The following AKT3 variants were observed in gnomAD, a reference collection of about 807,000 sequenced individuals.
AKT3 encodes AKT serine/threonine kinase 3.
AKT3 carries 15 observed loss-of-function variants against 65.3 expected under a neutral mutation model. That is an observed-to-expected ratio of 0.23 (90% CI 0.15 to 0.35). The LOEUF (loss-of-function observed/expected upper bound fraction) is 0.35, where lower values mean the gene tolerates loss of function less well. Ranked by LOEUF, AKT3 falls within the 10% of genes least tolerant of loss-of-function variation. The pLI, the probability that AKT3 is intolerant of heterozygous loss-of-function variation, is 1.00. For synonymous variants in AKT3, 206 were observed against 183.8 expected (o/e 1.12, Z -0.98); for missense variants, 243 against 576.5 (o/e 0.42, Z 5.92).
At chr1:243,578,073 T>C (rs1675073981) in intron 8 of AKT3, among the ~76,000 whole-genome samples, 1 of 152,164 alleles carries the variant, frequency 6.6e-6, no homozygotes, top group Admixed American at 6.5e-5. Flanking sequence ...GGAACACTTT[T>C]ACAATGCTGG....
At chr1:243,496,049 T>G (rs151029791), downstream of AKT3, among the ~76,000 whole-genome samples, 1,105 of 152,324 alleles carry the variant, frequency 7.3e-3, 13 homozygotes, top group African/African-American at 0.025. Flanking sequence ...GTGCCTCATA[T>G]TACCCAGAGC....
chr1:243,735,121 A>T (rs1361408080), intron 2 of AKT3: 1 of 152,192 alleles, frequency 6.6e-6, no homozygotes, highest in Non-Finnish European at 1.5e-5. Context: ...GTTAACCTTT[A>T]AAAAAGAAAA....
At position 243,522,995 on chromosome 1, in the gene AKT3, T is replaced by C. The variant is rs527939414; in HGVS notation, c.1252-10569A>G. The stretch of plus-strand genomic sequence containing the variant: ...GACCCAGTGATAGGGAACATTTGGG[T>C]TGGGGGATGAACTTGTGGTGAGAAG... On this transcript the variant is annotated intron_variant, in intron 12 of 13. Coordinates refer to ENST00000673466, the MANE Select transcript of AKT3 (RefSeq NM_005465.7). 2.5e-3 allele frequency among the ~76,000 whole-genome samples: 374 copies of C among 151,760 alleles called. 2 individuals carry two copies. The highest frequency in any genetic ancestry group is 8.9e-3 in the African/African-American group (366 of 41,354).
At chr1:243,732,916 C>G (rs777961434) in intron 2 of AKT3, among the ~76,000 whole-genome samples, 7 of 152,346 alleles carry the variant, frequency 4.6e-5, no homozygotes, top group African/African-American at 1.7e-4. Context: ...CAACAACAAT[C>G]ATCTGCATAA....
chr1:243,644,587 A>C (rs952290426), intron 5 of AKT3, among the ~76,000 whole-genome samples: 1 of 152,228 alleles, frequency 6.6e-6, no homozygotes, highest in Non-Finnish European at 1.5e-5. Context: ...AATATTAGCT[A>C]TTAAAGTTAG....
At chr1:243,544,438 C>T (rs537018741) in intron 12 of AKT3, among the ~76,000 whole-genome samples, 214 of 151,888 alleles carry the variant, frequency 1.4e-3, no homozygotes, top group Admixed American at 4.1e-3. Context: ...TACTGGGAAA[C>T]ATGGCAAAAC....
intron 3 of AKT3, among the ~76,000 whole-genome samples, chr1:243,686,736 T>C (rs1408028881): frequency 8.0e-5 from 11 of 137,448 alleles, no homozygotes; most frequent in Admixed American, 6.9e-4. Context: ...GGCATGGTCT[T>C]GGCTCACTGC....
chr1:243,706,526 G>T (rs1184109639), intron 2 of AKT3, among the ~76,000 whole-genome samples: 1 of 152,156 alleles, frequency 6.6e-6, no homozygotes, highest in Non-Finnish European at 1.5e-5. Context: ...TCTTACCAAG[G>T]AGTTTTTCCT....
At chr1:243,653,562 T>C (rs1338301014) in intron 4 of AKT3, among the ~76,000 whole-genome samples, 2 of 152,202 alleles carry the variant, frequency 1.3e-5, no homozygotes, top group Non-Finnish European at 2.9e-5. Flanking sequence ...TACTTGAAAA[T>C]AACGTCTCTT....
intron 8 of AKT3, among the ~76,000 whole-genome samples, chr1:243,599,156 C>T (rs1051889772): frequency 6.6e-5 from 10 of 152,070 alleles, no homozygotes; most frequent in African/African-American, 2.2e-4. Flanking sequence ...AGACAAAATG[C>T]AGATTTTCTC....
intron 12 of AKT3, among the ~76,000 whole-genome samples, chr1:243,524,705 T>C (rs868367465): frequency 6.6e-6 from 1 of 152,204 alleles, no homozygotes; most frequent in Non-Finnish European, 1.5e-5. Flanking sequence ...ACATCTGGCA[T>C]GCAATAATGC....
chr1:243,789,693 C>T (rs1268036767), intron 2 of AKT3, among the ~76,000 whole-genome samples: 1 of 152,196 alleles, frequency 6.6e-6, no homozygotes, highest in Non-Finnish European at 1.5e-5. Flanking sequence ...AAGTTTTTCA[C>T]TGACTTTGCT....
chr1:243,754,578 G>A (rs1185423190), intron 2 of AKT3, among the ~76,000 whole-genome samples: 1 of 152,194 alleles, frequency 6.6e-6, no homozygotes, highest in Non-Finnish European at 1.5e-5. Flanking sequence ...CAGCAGGTGA[G>A]CGAGCATTAC....
rs1669091896 is a variant in AKT3, at chr1:243,499,963, G to GAGTC, written c.*5282_*5285dup. 4 of 663,268 alleles carry GAGTC rather than the reference G, an allele frequency of 6.0e-6. No individual in the cohort carries two copies. Among genetic ancestry groups the GAGTC allele is most frequent in the Non-Finnish European group, 1.1e-5 (4 of 365,234 alleles). 41.1% of individuals were successfully genotyped at this position (663,268 alleles called of 1,614,324 possible). A position where few individuals can be genotyped will look rare whatever the true frequency, so the allele number is the denominator to read the frequency against. On this transcript the variant is annotated 3_prime_UTR_variant, in exon 14 of 14. Transcript: ENST00000673466. ...CCCGCACGCAGTCGGGCTGGAGCTG[G>GAGTC]AGTCTGACTCTAGCTGAGCAGAGCT... is the stretch of plus-strand genomic sequence containing the variant.
intron 6 of AKT3, among the ~76,000 whole-genome samples, chr1:243,628,012 T>G (rs1278742295): frequency 6.6e-6 from 1 of 152,190 alleles, no homozygotes; most frequent in Non-Finnish European, 1.5e-5. Context: ...AGACTGGAGC[T>G]TATGGCAAAA....
chr1:243,534,886 C>T (rs1007241393), intron 12 of AKT3, among the ~76,000 whole-genome samples: 2 of 151,168 alleles, frequency 1.3e-5, no homozygotes, highest in Admixed American at 6.6e-5. Flanking sequence ...TAGAAAAGAT[C>T]GAAAACAAAT....
chr1:243,849,449 G>A (rs927270392), intron 1 of AKT3, among the ~76,000 whole-genome samples: 1 of 148,198 alleles, frequency 6.7e-6, no homozygotes. Context: ...AAGGGTGGGG[G>A]AAGGAAGGAG....
chr1:243,728,587 T>C (rs769751604), intron 2 of AKT3, among the ~76,000 whole-genome samples: 1 of 152,188 alleles, frequency 6.6e-6, no homozygotes, highest in African/African-American at 2.4e-5. Flanking sequence ...TGGGAACAGA[T>C]AGGACAGGAC....
At chr1:243,676,923 T>C (rs1683565546) in intron 3 of AKT3, among the ~76,000 whole-genome samples, 1 of 152,164 alleles carries the variant, frequency 6.6e-6, no homozygotes, top group Admixed American at 6.5e-5. Context: ...GTAAGATGAG[T>C]CCTACCCAAA....
Sources: gnomAD v4.1 joint callset for allele counts (sites outside exome capture counted in the v4.1 genomes callset) on GRCh38, gnomAD v4.1.1 for gene constraint, MANE v1.5 for transcripts, NCBI Gene and HGNC (gene_info 2026-07-23, HGNC 2026-07-21) for gene names.